Variants in RAPGEF6 observed in about 807,000 individuals in gnomAD.
RAPGEF6 encodes PDZ domain containing guanine nucleotide exchange factor (GEF) 2.
Under a neutral mutation model 171.4 loss-of-function variants are expected in RAPGEF6, and 56 were observed. The observed-to-expected ratio is 0.33, with a 90% CI of 0.26 to 0.41. RAPGEF6 has a LOEUF of 0.41. RAPGEF6 is among the 10% of genes least tolerant of loss of function. RAPGEF6 has a pLI of 1.00. For synonymous variants in RAPGEF6, 692 were observed against 650.1 expected, an observed-to-expected ratio of 1.06 and a Z score of -0.98; for missense variants, 1,674 against 1,921.4, an observed-to-expected ratio of 0.87 and a Z score of 2.41.
At chr5:131,466,176 G>C (rs1754328168) in intron 17 of RAPGEF6, among the ~76,000 whole-genome samples, 1 of 151,714 alleles carries the variant, frequency 6.6e-6, no homozygotes, top group Non-Finnish European at 1.5e-5. Flanking sequence ...CAGGGACAAG[G>C]AGTCTTAGCC....
At chr5:131,532,808 C>T (rs553876457) in intron 6 of RAPGEF6, among the ~76,000 whole-genome samples, 62 of 152,288 alleles carry the variant, frequency 4.1e-4, no homozygotes, top group African/African-American at 1.4e-3. Flanking sequence ...AGCTCTGCAG[C>T]ACTGTTCCTT....
intron 22 of RAPGEF6, among the ~76,000 whole-genome samples, chr5:131,445,884 T>C (rs1320304257): frequency 1.3e-5 from 2 of 152,160 alleles, no homozygotes; most frequent in East Asian, 1.9e-4. Context: ...TAACAGTATA[T>C]ATTTCATTAT....
intron 6 of RAPGEF6, among the ~76,000 whole-genome samples, chr5:131,546,314 A>T (rs757255872): frequency 3.3e-5 from 5 of 152,180 alleles, no homozygotes; most frequent in Non-Finnish European, 7.3e-5. Context: ...TTTTTAAAAA[A>T]TAAGGAAAAG....
Position 131,431,029 on chromosome 5 carries a change from C to A in RAPGEF6, c.4295G>T (p.Ser1432Ile), listed in dbSNP as rs1472237353. 1 of 1,614,180 alleles carries A rather than the reference C, an allele frequency of 6.2e-7. No individual in the cohort carries two copies. Among genetic ancestry groups the A allele is most frequent in the Admixed American group, 1.7e-5 (1 of 60,030 alleles). Residue 1432 changes from serine (S) to isoleucine (I), a missense_variant, in exon 26 of 28, where the codon AGT becomes ATT. By Grantham distance (142) the Ser-to-Ile change is moderately radical (BLOSUM62 -2). Coordinates refer to ENST00000509018, the MANE Select transcript of RAPGEF6 (RefSeq NM_016340.6). ...AGACAGAGAACTGGAGGAGGTCCAA[C>A]TCTTTCTCTCTAGGCTTCCTTTACA... ...GQCKGSLERK[S>I]WTSSSSLSDT...
intron 21 of RAPGEF6, among the ~76,000 whole-genome samples, chr5:131,448,612 C>A (rs1169357535): frequency 6.6e-6 from 1 of 152,152 alleles, no homozygotes; most frequent in South Asian, 2.1e-4. Context: ...TAGGTGTTGA[C>A]AAATCTAGGA....
intron 24 of RAPGEF6, chr5:131,435,779 T>C (rs1427992311): frequency 7.9e-7 from 1 of 1,265,858 alleles, no homozygotes; most frequent in Non-Finnish European, 1.0e-6. Flanking sequence ...TAAAATTTAC[T>C]AACTCAATAC....
intron 3 of RAPGEF6, among the ~76,000 whole-genome samples, chr5:131,595,775 A>G (rs1763859000): frequency 6.6e-6 from 1 of 152,252 alleles, no homozygotes; most frequent in South Asian, 2.1e-4. Context: ...ATTAATAGAT[A>G]TAGAATGGCT....
At chr5:131,489,991 A>G (rs1458035153) in intron 14 of RAPGEF6, among the ~76,000 whole-genome samples, 1 of 152,204 alleles carries the variant, frequency 6.6e-6, no homozygotes, top group Non-Finnish European at 1.5e-5. Flanking sequence ...CTGCAAATGT[A>G]TATACAAATT....
At chr5:131,561,873 A>C in intron 5 of RAPGEF6, 105 bp downstream of exon 5, 1 of 830,538 alleles carries the variant, frequency 1.2e-6, no homozygotes, top group South Asian at 1.5e-5. Context: ...TGAAATCTCT[A>C]AAAGGTCATA....
intron 27 of RAPGEF6, among the ~76,000 whole-genome samples, chr5:131,428,449 T>C (rs1478051400): frequency 6.6e-6 from 1 of 151,804 alleles, no homozygotes; most frequent in Admixed American, 6.6e-5. Flanking sequence ...TCCCCCATAC[T>C]ATATTTAGGA....
chr5:131,445,307 T>C (rs1196746283), intron 22 of RAPGEF6, among the ~76,000 whole-genome samples: 1 of 152,208 alleles, frequency 6.6e-6, no homozygotes, highest in African/African-American at 2.4e-5. Flanking sequence ...TAAAAATCAG[T>C]ATTTGGTTCT....
In RAPGEF6 at chr5:131,479,666, T is replaced by G. The variant is rs780860297; in HGVS notation, c.1928A>C (p.His643Pro). ...PKIAEKKSNR[H>P]SIQHVPGDIE... ...ATCTCCTGGCACATGCTGGATAGAA[T>G]GGCGATTACTTTTTTTTTCAGCAAT... Residue 643 changes from histidine to proline, a missense_variant, in exon 16 of 28, where the codon CAT (histidine) becomes CCT (proline). His to Pro is a moderately conservative substitution (Grantham distance 77, BLOSUM62 -2). Around this residue, in one of 3 missense-constraint regions of RAPGEF6, gnomAD observed 1,116 missense variants for 1,321.5 expected, o/e 0.84. Coordinates refer to ENST00000509018, the MANE Select transcript of RAPGEF6 (RefSeq NM_016340.6). The G allele has an allele frequency of 1.1e-5, 17 of 1,613,976 alleles. No homozygotes were observed. The highest frequency in any genetic ancestry group is 1.4e-5 in the Non-Finnish European group (17 of 1,179,998).
chr5:131,602,810 T>C (rs1249590284), intron 3 of RAPGEF6, among the ~76,000 whole-genome samples: 1 of 152,008 alleles, frequency 6.6e-6, no homozygotes, highest in Non-Finnish European at 1.5e-5. Flanking sequence ...ATAACCCAAC[T>C]ATTAACAGTG....
intron 3 of RAPGEF6, among the ~76,000 whole-genome samples, chr5:131,593,186 G>A (rs1170567922): frequency 6.6e-6 from 1 of 151,000 alleles, no homozygotes. Context: ...TTTATTCACT[G>A]CTTACTAATA....
chr5:131,568,398 A>G (rs951194006), intron 4 of RAPGEF6, among the ~76,000 whole-genome samples: 1 of 151,572 alleles, frequency 6.6e-6, no homozygotes, highest in African/African-American at 2.4e-5. Flanking sequence ...TGGCATGATC[A>G]TAGCTCACTG....
intron 4 of RAPGEF6, among the ~76,000 whole-genome samples, chr5:131,568,729 C>G (rs187088963): frequency 7.5e-4 from 114 of 152,236 alleles, no homozygotes; most frequent in South Asian, 6.4e-3. Context: ...ACTGGAGACT[C>G]TCACCAGTAC....
At chr5:131,545,150 C>T (rs1411846535) in intron 6 of RAPGEF6, among the ~76,000 whole-genome samples, 1 of 152,016 alleles carries the variant, frequency 6.6e-6, no homozygotes, top group East Asian at 1.9e-4. Flanking sequence ...AAAAAAGTCA[C>T]ATTAAGATTA....
Position 131,425,559 on chromosome 5 carries a change from G to A in RAPGEF6, c.*1707C>T, listed in dbSNP as rs1447884698. Reference sequence around the variant, plus strand: ...CCAAGCCTCATTCTATCATACCTGCGATTAATTTCTAAGGCTTAAGTTTCA... The same window carrying A: ...CCAAGCCTCATTCTATCATACCTGCAATTAATTTCTAAGGCTTAAGTTTCA... On this transcript the variant is annotated 3_prime_UTR_variant, in exon 28 of 28. Transcript: ENST00000509018. 1.3e-5 allele frequency: 2 copies of A among 152,238 alleles called. No homozygotes were observed. The highest frequency in any genetic ancestry group is 6.5e-5 in the Admixed American group (1 of 15,268). The allele number at this position is 152,238 out of a possible 1,614,324, so 9.4% of individuals were successfully genotyped here. A position where few individuals can be genotyped will look rare whatever the true frequency, so the allele number is the denominator to read the frequency against.
At chr5:131,496,087 T>C (rs1756618781) in intron 12 of RAPGEF6, among the ~76,000 whole-genome samples, 2 of 152,288 alleles carry the variant, frequency 1.3e-5, no homozygotes, top group South Asian at 4.1e-4. Flanking sequence ...ACACCTGCAA[T>C]GCCAGCAACT....
Sources: gnomAD v4.1 joint callset for allele counts (sites outside exome capture counted in the v4.1 genomes callset) on GRCh38, gnomAD v4.1.1 for gene constraint, gnomAD v4.1.1 regional missense constraint, MANE v1.5 for transcripts, NCBI Gene and HGNC (gene_info 2026-07-23, HGNC 2026-07-21) for gene names.